The following MGMT variants were observed in gnomAD, a reference collection of about 807,000 sequenced individuals.
MGMT encodes methylated-DNA--protein-cysteine methyltransferase.
In MGMT, 14 loss-of-function variants were observed where a neutral mutation model predicts 15.9. The observed-to-expected ratio is 0.88, with a 90% CI of 0.58 to 1.37. The LOEUF (loss-of-function observed/expected upper bound fraction) is 1.37, where lower values mean the gene tolerates loss of function less well. Ranked by LOEUF, MGMT falls within the 40% of genes most tolerant of loss-of-function variation. The probability of loss-of-function intolerance (pLI) is 0.00; values close to 1 mark genes in which losing one functional copy is unlikely to be tolerated. For missense variants in MGMT, 282 were observed against 268.1 expected (o/e 1.05, Z -0.36); for synonymous variants, 130 against 118.2 (o/e 1.10, Z -0.65).
intron 2 of MGMT, among the ~76,000 whole-genome samples, chr10:129,667,187 C>T (rs1311218072): frequency 6.6e-6 from 1 of 152,168 alleles, no homozygotes; most frequent in African/African-American, 2.4e-5. Context: ...CCTCAGAACT[C>T]TGCCACGTGT....
chr10:129,667,996 A>G (rs897616225), intron 2 of MGMT, among the ~76,000 whole-genome samples: 31 of 152,188 alleles, frequency 2.0e-4, no homozygotes, highest in Non-Finnish European at 1.2e-4. Flanking sequence ...TTTGCTGGCC[A>G]TATATGTTGA....
intron 2 of MGMT, among the ~76,000 whole-genome samples, chr10:129,592,543 C>T (rs897433109): frequency 6.6e-6 from 1 of 152,164 alleles, no homozygotes; most frequent in African/African-American, 2.4e-5. Context: ...TGGAACCGTG[C>T]AGACAGTTGA....
chr10:129,482,036 T>G (rs1346632767), intron 1 of MGMT, among the ~76,000 whole-genome samples: 2 of 152,180 alleles, frequency 1.3e-5, no homozygotes, highest in African/African-American at 4.8e-5. Flanking sequence ...ATATAAACAT[T>G]TAATGCTAAA....
chr10:129,537,797 C>G (rs1368812126), intron 2 of MGMT, among the ~76,000 whole-genome samples: 1 of 152,190 alleles, frequency 6.6e-6, no homozygotes, highest in Admixed American at 6.5e-5. Context: ...TAGGATCTGG[C>G]TGATTGCTCT....
intron 2 of MGMT, among the ~76,000 whole-genome samples, chr10:129,570,632 A>G (rs1025640102): frequency 6.6e-6 from 1 of 152,264 alleles, no homozygotes; most frequent in Non-Finnish European, 1.5e-5. Context: ...GGCAGATATT[A>G]CCTACTAAAT....
intron 2 of MGMT, among the ~76,000 whole-genome samples, chr10:129,688,854 T>C (rs943611641): frequency 6.6e-6 from 1 of 152,188 alleles, no homozygotes; most frequent in African/African-American, 2.4e-5. Flanking sequence ...GCATCAGACC[T>C]GAGGGACATC....
chr10:129,705,604 A>G lies in MGMT; in HGVS notation c.126-2291A>G, dbSNP rs1041127522. 8.5e-5 allele frequency among the ~76,000 whole-genome samples: 13 copies of G among 152,358 alleles called. No homozygotes were observed. In the East Asian group the frequency reaches 2.1e-3, roughly 25 times the overall value. On this transcript the variant is annotated intron_variant, in intron 2 of 4. Coordinates refer to ENST00000651593, the MANE Select transcript of MGMT (RefSeq NM_002412.5). Reference sequence around the variant, plus strand: ...TGTACAAGCTTGGTTTTTACCTCACAGGAAAAGCGAGAACTAATCGCTCCA... The same window carrying G: ...TGTACAAGCTTGGTTTTTACCTCACGGGAAAAGCGAGAACTAATCGCTCCA...
chr10:129,651,510 G>A (rs779968167), intron 2 of MGMT, among the ~76,000 whole-genome samples: 2 of 151,536 alleles, frequency 1.3e-5, no homozygotes, highest in Non-Finnish European at 2.9e-5. Context: ...TTTTTATTCC[G>A]TTTATGTCTT....
chr10:129,652,609 G>C (rs770555964), intron 2 of MGMT, among the ~76,000 whole-genome samples: 1 of 152,234 alleles, frequency 6.6e-6, no homozygotes, highest in Non-Finnish European at 1.5e-5. Flanking sequence ...ATGGGCACCT[G>C]ACACGGTGCT....
chr10:129,520,992 T>TGCACGTACGGGGCCCCTACGGC (rs1845803536), intron 1 of MGMT, among the ~76,000 whole-genome samples: 1 of 147,674 alleles, frequency 6.8e-6, no homozygotes, highest in Admixed American at 6.7e-5. Context: ...GCCCCTACGG[T>TGCACGTACGGGGCCCCTACGGC]GCGCGTACGG....
chr10:129,584,399 A>G (rs1589879655), intron 2 of MGMT, among the ~76,000 whole-genome samples: 1 of 151,698 alleles, frequency 6.6e-6, no homozygotes, highest in Admixed American at 6.6e-5. Flanking sequence ...TTCAAAAAGC[A>G]TGTATGGCTG....
At chr10:129,559,537 G>A (rs1351657711) in intron 2 of MGMT, among the ~76,000 whole-genome samples, 1 of 151,962 alleles carries the variant, frequency 6.6e-6, no homozygotes, top group Non-Finnish European at 1.5e-5. Flanking sequence ...GATTTCTTTA[G>A]GTATTAGCGG....
At chr10:129,476,520 C>T (rs762385565) in intron 1 of MGMT, among the ~76,000 whole-genome samples, 38 of 152,134 alleles carry the variant, frequency 2.5e-4, no homozygotes, top group Non-Finnish European at 1.8e-4. Context: ...CCTGGGTTCC[C>T]AGGAATCCCA....
chr10:129,615,848 A>C (rs180807586), intron 2 of MGMT, among the ~76,000 whole-genome samples: 1 of 152,218 alleles, frequency 6.6e-6, no homozygotes, highest in Admixed American at 6.5e-5. Context: ...GTCCAGGTAT[A>C]AGAAGAGCTG....
chr10:129,766,625 A>G (rs899021917), intron 4 of MGMT, among the ~76,000 whole-genome samples, 163 bp from the exon 5 acceptor site: 3 of 152,186 alleles, frequency 2.0e-5, no homozygotes, highest in African/African-American at 7.2e-5. Flanking sequence ...GGGGAAGTCC[A>G]TGCTGAGACA....
At chr10:129,644,839 G>A (rs763892048) in intron 2 of MGMT, among the ~76,000 whole-genome samples, 1 of 152,202 alleles carries the variant, frequency 6.6e-6, no homozygotes, top group Non-Finnish European at 1.5e-5. Flanking sequence ...ACGACAGCTT[G>A]TAATTATTTC....
chr10:129,637,796 C>T (rs569318515), intron 2 of MGMT, among the ~76,000 whole-genome samples: 72 of 152,232 alleles, frequency 4.7e-4, no homozygotes, highest in Admixed American at 1.1e-3. Context: ...TGTGAAGTGG[C>T]AGCAAGGGGT....
chr10:129,649,658 A>G (rs368453443), intron 2 of MGMT, among the ~76,000 whole-genome samples: 2 of 152,354 alleles, frequency 1.3e-5, no homozygotes, highest in South Asian at 2.1e-4. Context: ...GACTCTTCAG[A>G]GACCATGGAC....
intron 2 of MGMT, among the ~76,000 whole-genome samples, chr10:129,684,390 G>A (rs1847884074): frequency 1.3e-5 from 2 of 152,204 alleles, no homozygotes; most frequent in South Asian, 2.1e-4. Flanking sequence ...ATCCCAGCAC[G>A]TGGTAGTCAG....
Sources: gnomAD v4.1 joint callset for allele counts (sites outside exome capture counted in the v4.1 genomes callset) on GRCh38, gnomAD v4.1.1 for gene constraint, MANE v1.5 for transcripts, NCBI Gene and HGNC (gene_info 2026-07-23, HGNC 2026-07-21) for gene names.